The following COLEC12 variants were observed in gnomAD, a reference collection of about 807,000 sequenced individuals.
COLEC12 encodes collectin subfamily member 12, also known as collectin-12.
Under a neutral mutation model 71.1 loss-of-function variants are expected in COLEC12, and 33 were observed. That is an observed-to-expected ratio of 0.46 (90% CI 0.35 to 0.62). The LOEUF (loss-of-function observed/expected upper bound fraction) is 0.62, where lower values mean the gene tolerates loss of function less well. COLEC12 is among the 20% of genes least tolerant of loss of function. COLEC12 has a pLI of 0.00. For synonymous variants in COLEC12, 350 were observed against 353.0 expected (o/e 0.99, Z 0.10); for missense variants, 765 against 916.1 (o/e 0.84, Z 2.13).
intron 2 of COLEC12, among the ~76,000 whole-genome samples, chr18:380,927 C>A (rs1401819568): frequency 6.6e-6 from 1 of 152,110 alleles, no homozygotes; most frequent in African/African-American, 2.4e-5. Flanking sequence ...TGGTTCTCTT[C>A]CAGTTCCCTA....
chr18:385,217 G>C (rs900943140), intron 2 of COLEC12, among the ~76,000 whole-genome samples: 1 of 151,716 alleles, frequency 6.6e-6, no homozygotes, highest in Non-Finnish European at 1.5e-5. Flanking sequence ...GAAAGATCAG[G>C]TTAAAAAAAT....
chr18:481,290 C>T (rs1004520008), intron 1 of COLEC12, among the ~76,000 whole-genome samples: 4 of 152,170 alleles, frequency 2.6e-5, no homozygotes, highest in Non-Finnish European at 5.9e-5. Flanking sequence ...GCAGTGACAA[C>T]CAAACCCTTC....
intron 2 of COLEC12, among the ~76,000 whole-genome samples, chr18:417,460 C>G (rs1291939681): frequency 6.6e-6 from 1 of 152,204 alleles, no homozygotes. Context: ...TTGAGCTAGG[C>G]ATTGTTCTAA....
At chr18:415,643 A>C (rs1411062504) in intron 2 of COLEC12, among the ~76,000 whole-genome samples, 1 of 152,158 alleles carries the variant, frequency 6.6e-6, no homozygotes, top group Admixed American at 6.5e-5. Context: ...TGTCATCTAC[A>C]CACATTGGGC....
rs773806531 is a variant in COLEC12, at chr18:320,069, AAG to A, written c.2210-7_2210-6del. 3.3e-6 allele frequency: 5 copies of A among 1,528,944 alleles called. No homozygotes were observed. The highest frequency in any genetic ancestry group is 4.5e-6 in the Non-Finnish European group (5 of 1,118,962). 94.7% of individuals were successfully genotyped at this position (1,528,944 alleles called of 1,614,324 possible). A position where few individuals can be genotyped will look rare whatever the true frequency, so the allele number is the denominator to read the frequency against. On this transcript the variant is annotated splice_region_variant and splice_polypyrimidine_tract_variant and intron_variant, in intron 9 of 9. Coordinates refer to ENST00000400256, the MANE Select transcript of COLEC12 (RefSeq NM_130386.3). The stretch of plus-strand genomic sequence containing the variant: ...GTTATAATGCAGATGACAGTACTAA[AAG>A]AGAGAAATAAGAATGGGCATTAGTT...
At chr18:472,579 T>C (rs1488907626) in intron 2 of COLEC12, among the ~76,000 whole-genome samples, 1 of 147,116 alleles carries the variant, frequency 6.8e-6, no homozygotes, top group Non-Finnish European at 1.5e-5. Context: ...CCCAGCTACT[T>C]GGGAGGCTGA....
At chr18:456,311 C>T (rs1452847870) in intron 2 of COLEC12, among the ~76,000 whole-genome samples, 1 of 152,162 alleles carries the variant, frequency 6.6e-6, no homozygotes, top group Non-Finnish European at 1.5e-5. Context: ...AGTTCCACAA[C>T]CTTCATACAA....
chr18:334,029 T>TA (rs1914046275), intron 6 of COLEC12: 1 of 149,806 alleles, frequency 6.7e-6, no homozygotes, highest in Non-Finnish European at 1.5e-5. Flanking sequence ...AAAAGGAAAA[T>TA]AAAAAATTAG....
chr18:336,470 T>C (rs1914121676), intron 5 of COLEC12, among the ~76,000 whole-genome samples: 1 of 152,220 alleles, frequency 6.6e-6, no homozygotes, highest in Non-Finnish European at 1.5e-5. Flanking sequence ...CAGGATTGTT[T>C]TTCTTTCTTT....
intron 2 of COLEC12, among the ~76,000 whole-genome samples, chr18:386,948 G>C (rs1915357566): frequency 6.6e-6 from 1 of 152,196 alleles, no homozygotes; most frequent in African/African-American, 2.4e-5. Context: ...TCCACGTAGT[G>C]AGGAGTTTTG....
chr18:358,829 A>C (rs936290975), intron 2 of COLEC12, among the ~76,000 whole-genome samples: 2 of 152,222 alleles, frequency 1.3e-5, no homozygotes, highest in African/African-American at 4.8e-5. Flanking sequence ...TATTTCTGGC[A>C]ACTTTAACAC....
At chr18:392,310 T>C (rs915372713) in intron 2 of COLEC12, among the ~76,000 whole-genome samples, 3 of 152,182 alleles carry the variant, frequency 2.0e-5, no homozygotes, top group African/African-American at 7.2e-5. Context: ...AGGTAAAAAA[T>C]AACTGCACTA....
chr18:326,669 T>A (rs1056986455), intron 8 of COLEC12, among the ~76,000 whole-genome samples: 42 of 152,328 alleles, frequency 2.8e-4, no homozygotes, highest in Admixed American at 1.0e-3. Flanking sequence ...GGCTTTTTTT[T>A]AAATTTATTG....
intron 2 of COLEC12, among the ~76,000 whole-genome samples, chr18:467,935 A>G (rs1917118181): frequency 6.6e-6 from 1 of 152,158 alleles, no homozygotes; most frequent in Non-Finnish European, 1.5e-5. Flanking sequence ...ATTTATTTTG[A>G]ATTGTTGGAA....
intron 2 of COLEC12, among the ~76,000 whole-genome samples, chr18:375,355 G>A (rs1304675498): frequency 6.6e-6 from 1 of 152,182 alleles, no homozygotes; most frequent in African/African-American, 2.4e-5. Context: ...TCTCCTGTGG[G>A]TACCCTCATG....
chr18:385,377 T>A (rs1260363114), intron 2 of COLEC12, among the ~76,000 whole-genome samples: 3 of 146,728 alleles, frequency 2.0e-5, no homozygotes, highest in Admixed American at 7.0e-5. Context: ...CAGGCTGGCG[T>A]TCAGTGGTGC....
intron 2 of COLEC12, among the ~76,000 whole-genome samples, chr18:373,069 A>T (rs1915036072): frequency 6.6e-6 from 1 of 152,182 alleles, no homozygotes; most frequent in African/African-American, 2.4e-5. Flanking sequence ...GCCATGGTGA[A>T]CTGGAACACA....
intron 2 of COLEC12, among the ~76,000 whole-genome samples, chr18:357,825 A>T (rs1469591602): frequency 6.6e-6 from 1 of 152,240 alleles, no homozygotes; most frequent in Non-Finnish European, 1.5e-5. Flanking sequence ...AGGCAATTTC[A>T]TCACTGTGTG....
rs1169836680 is a variant in COLEC12 at position 333,070 on chromosome 18, A to G, written c.1890T>C (p.Asp630=). The change falls in exon 7 of 10, where the codon GAT becomes GAC. Residue 630 remains aspartate (D), a synonymous_variant. Transcript: ENST00000400256. ...YFSVEKEIFE[D]AKLFCEDKSS... The stretch of plus-strand genomic sequence containing the variant: ...ACTTGTCTTCACAGAAAAGCTTTGC[A>G]TCCTCAAAAATTTCTTTCTCAACTG... The G allele has an allele frequency of 6.2e-7, 1 of 1,612,686 alleles. No individual in the cohort carries two copies. Among genetic ancestry groups the G allele is most frequent in the Non-Finnish European group, 8.5e-7 (1 of 1,179,338 alleles).
Sources: allele counts gnomAD v4.1 joint callset (sites outside exome capture counted in the v4.1 genomes callset), GRCh38; gene constraint gnomAD v4.1.1; transcripts MANE v1.5; gene names NCBI Gene and HGNC (gene_info 2026-07-23, HGNC 2026-07-21).